Variants in ZNF516 observed in about 807,000 individuals in gnomAD.
ZNF516 encodes the protein zinc finger protein 516.
Under a neutral mutation model 79.7 loss-of-function variants are expected in ZNF516, and 19 were observed. The ratio of observed to expected loss-of-function variants is 0.24; its 90% CI spans 0.17 to 0.35. ZNF516 has a LOEUF of 0.35. ZNF516 is among the 10% of genes least tolerant of loss of function. The pLI is 1.00. For synonymous variants in ZNF516, 877 were observed against 739.5 expected, an observed-to-expected ratio of 1.19 and a Z score of -3.02; for missense variants, 1,678 against 1,679.5, an observed-to-expected ratio of 1.00 and a Z score of 0.02.
chr18:76,482,706 T>A (rs1914597301), intron 1 of ZNF516, among the ~76,000 whole-genome samples: 1 of 152,232 alleles, frequency 6.6e-6, no homozygotes, highest in African/African-American at 2.4e-5. Flanking sequence ...GTATCAAACG[T>A]GTGACCTTAC....
chr18:76,370,591 C>T lies in ZNF516; in HGVS notation c.3369G>A (p.Val1123=). 1 of 1,601,336 alleles carries T rather than the reference C, an allele frequency of 6.2e-7. No homozygotes were observed. The highest frequency in any genetic ancestry group is 1.1e-5 in the South Asian group (1 of 88,596). Reference sequence around the variant, plus strand: ...AACCCCGAGGCCCATCGGACTCAAACACCACTGTGGGAACAAGGGGTTTGT... The same window carrying T: ...AACCCCGAGGCCCATCGGACTCAAATACCACTGTGGGAACAAGGGGTTTGT... The part of the protein sequence containing the change: ...LRAHMRAHSV[V]FESDGPRGSE... Residue 1123 remains valine (V), a synonymous_variant, in exon 6 of 7, where the codon GTG becomes GTA. Coordinates refer to ENST00000443185, the MANE Select transcript of ZNF516 (RefSeq NM_014643.4).
At chr18:76,450,585 C>T (rs1184219662) in intron 2 of ZNF516, among the ~76,000 whole-genome samples, 2 of 152,096 alleles carry the variant, frequency 1.3e-5, no homozygotes, top group Non-Finnish European at 2.9e-5. Context: ...GTTGCAAAGC[C>T]TTCTGTGGCC....
intron 4 of ZNF516, among the ~76,000 whole-genome samples, chr18:76,373,069 G>C (rs1242779379): frequency 6.6e-6 from 1 of 152,200 alleles, no homozygotes; most frequent in Non-Finnish European, 1.5e-5. Flanking sequence ...AGGATCACTT[G>C]AGCTCAGGAG....
intron 1 of ZNF516, among the ~76,000 whole-genome samples, chr18:76,472,724 C>G (rs192689692): frequency 6.6e-6 from 1 of 152,136 alleles, no homozygotes; most frequent in Non-Finnish European, 1.5e-5. Context: ...CAGGATGGCT[C>G]CAAATGAAGG....
intron 1 of ZNF516, among the ~76,000 whole-genome samples, chr18:76,468,270 A>C (rs546706973): frequency 6.6e-6 from 1 of 152,222 alleles, no homozygotes; most frequent in Non-Finnish European, 1.5e-5. Flanking sequence ...TCTTTTAGTA[A>C]GAAAAACAAT....
intron 3 of ZNF516, among the ~76,000 whole-genome samples, chr18:76,436,562 C>T (rs994137822): frequency 2.6e-5 from 4 of 152,086 alleles, no homozygotes; most frequent in Admixed American, 6.5e-5. Flanking sequence ...CTCAGCATCG[C>T]GAGTGGATTC....
intron 3 of ZNF516, among the ~76,000 whole-genome samples, chr18:76,383,035 CAAAAAAAAA>C (rs772423972): frequency 2.0e-5 from 1 of 49,802 alleles, no homozygotes. Context: ...GACTCTGTCT[CAAAAAAAAA>C]AAAAAAAAAA....
intron 3 of ZNF516, among the ~76,000 whole-genome samples, chr18:76,432,328 A>G (rs2075671370): frequency 6.6e-6 from 1 of 152,216 alleles, no homozygotes; most frequent in Admixed American, 6.5e-5. Flanking sequence ...TACTGTCATT[A>G]CCTGCTCTCC....
intron 3 of ZNF516, among the ~76,000 whole-genome samples, chr18:76,398,800 A>G (rs1486723224): frequency 6.6e-6 from 1 of 152,214 alleles, no homozygotes; most frequent in Non-Finnish European, 1.5e-5. Flanking sequence ...ATACACACAA[A>G]CTAGCTAGCA....
rs553255821 is a variant in ZNF516 at position 76,392,250 on chromosome 18, A to G, written c.1811-11947T>C. Among the ~76,000 whole-genome samples, 7 of 152,346 alleles carry G rather than the reference A, an allele frequency of 4.6e-5. No individual in the cohort carries two copies. In the South Asian group the frequency reaches 1.2e-3, roughly 27 times the overall value. On this transcript the variant is annotated intron_variant, in intron 3 of 6. Coordinates refer to ENST00000443185, the MANE Select transcript of ZNF516 (RefSeq NM_014643.4). ...AAGAAGCATCTTTTGACATAGGGAA[A>G]AAGACTCTAGGTTCCTAAATAGATG...
intron 3 of ZNF516, among the ~76,000 whole-genome samples, chr18:76,382,096 C>A (rs2074901662): frequency 6.6e-6 from 1 of 152,152 alleles, no homozygotes; most frequent in African/African-American, 2.4e-5. Flanking sequence ...CACGCCACTG[C>A]ACTCCAGCCT....
At position 76,442,663 on chromosome 18, in the gene ZNF516, G is replaced by A. The variant is rs750803050; in HGVS notation, c.392C>T (p.Ala131Val). 1 of 1,584,570 alleles carries A rather than the reference G, an allele frequency of 6.3e-7. No homozygotes were observed. Among genetic ancestry groups the A allele is most frequent in the East Asian group, 2.3e-5 (1 of 43,642 alleles). The change falls in exon 3 of 7, where the codon GCC (alanine) becomes GTC (valine). Residue 131 changes from alanine (A) to valine (V), a missense_variant. Ala to Val is a moderately conservative substitution (Grantham distance 64). Around this residue, in one of 5 missense-constraint regions of ZNF516, gnomAD observed 279 missense variants for 254.1 expected, o/e 1.10. Coordinates refer to ENST00000443185, the MANE Select transcript of ZNF516 (RefSeq NM_014643.4). ...GACCCTGGCGCCGTCGGCCTGCGAG[G>A]CCCCGTTCAGCAGCCGGTTGCAGGC... ...ASACNRLLNG[A>V]SQADGARVLN...
At chr18:76,452,046 T>C (rs1912444517) in intron 2 of ZNF516, among the ~76,000 whole-genome samples, 2 of 152,146 alleles carry the variant, frequency 1.3e-5, no homozygotes, top group South Asian at 4.1e-4. Flanking sequence ...ACCAGCTACA[T>C]TTCCACTCTA....
intron 3 of ZNF516, among the ~76,000 whole-genome samples, chr18:76,400,136 G>C (rs1401980379): frequency 6.6e-6 from 1 of 152,110 alleles, no homozygotes; most frequent in Admixed American, 6.5e-5. Flanking sequence ...AATTCAGAGT[G>C]AGCAACTGGA....
intron 1 of ZNF516, chr18:76,487,926 G>A: frequency 6.1e-6 from 6 of 985,414 alleles, no homozygotes; most frequent in Non-Finnish European, 6.0e-6. Context: ...CAGGAGGGGA[G>A]GGAGAAGAAG....
Position 76,379,458 on chromosome 18 carries a change from G to A in ZNF516, c.2656C>T (p.Arg886Ter). The change falls in exon 4 of 7, where the codon CGA (arginine) becomes TGA (stop). Residue 886 changes from arginine to a stop codon, truncating the protein, a stop_gained. Transcript: ENST00000443185. LOFTEE classifies it high-confidence loss of function. ...ALWAPGPDGY[R>*]QTKPCHGQEP... is the part of the protein sequence containing the mutation. ...TGGCCGTGACAAGGTTTGGTCTGTCGATACCCGTCAGGGCCGGGCGCCCAC... is the reference window on the plus strand; with the variant it reads ...TGGCCGTGACAAGGTTTGGTCTGTCAATACCCGTCAGGGCCGGGCGCCCAC... 6.2e-7 allele frequency: 1 copy of A among 1,613,532 alleles called. No homozygotes were observed. The highest frequency in any genetic ancestry group is 8.5e-7 in the Non-Finnish European group (1 of 1,179,890).
chr18:76,404,529 T>C (rs2075275355), intron 3 of ZNF516, among the ~76,000 whole-genome samples: 1 of 145,372 alleles, frequency 6.9e-6, no homozygotes, highest in African/African-American at 2.8e-5. Flanking sequence ...ACAAGTAATG[T>C]GTGTGAACAT....
intron 1 of ZNF516, chr18:76,492,471 C>A: frequency 1.5e-6 from 1 of 668,186 alleles, no homozygotes; most frequent in Non-Finnish European, 1.9e-6. Flanking sequence ...ACGAGCGCTT[C>A]ACCTTCTAGA....
chr18:76,383,097 G>A (rs974916250), intron 3 of ZNF516, among the ~76,000 whole-genome samples: 6 of 150,656 alleles, frequency 4.0e-5, no homozygotes, highest in African/African-American at 1.2e-4. Context: ...GTCACCGGTC[G>A]AGAGTGAACG....
Sources: gnomAD v4.1 joint callset for allele counts (sites outside exome capture counted in the v4.1 genomes callset) on GRCh38, gnomAD v4.1.1 for gene constraint, gnomAD v4.1.1 regional missense constraint, MANE v1.5 for transcripts, NCBI Gene and HGNC (gene_info 2026-07-23, HGNC 2026-07-21) for gene names.